TBC1D19: variants seen among roughly 807,000 people sequenced by gnomAD.
TBC1D19 encodes TBC1 domain family member 19.
TBC1D19 carries 60 observed loss-of-function variants against 89.0 expected under a neutral mutation model. The observed-to-expected ratio is 0.67, with a 90% CI of 0.55 to 0.84. The LOEUF is 0.84. Among genes scored for constraint, TBC1D19 ranks in the 40% least tolerant of loss-of-function variants. The pLI, the probability that TBC1D19 is intolerant of heterozygous loss-of-function variation, is 0.00. For synonymous variants in TBC1D19, 189 were observed against 199.7 expected (o/e 0.95, Z 0.45); for missense variants, 500 against 610.8 (o/e 0.82, Z 1.91).
chr4:26,777,520 C>A, the TBC1D19 span, among the ~76,000 whole-genome samples: 1 of 152,190 alleles, frequency 6.6e-6, no homozygotes, highest in East Asian at 1.9e-4. Context: ...CTCACTGTAA[C>A]CTCCGCCTCC....
intron 19 of TBC1D19, among the ~76,000 whole-genome samples, chr4:26,749,206 T>C (rs1041897053): frequency 2.6e-5 from 4 of 152,182 alleles, no homozygotes. Context: ...TTAATTATAT[T>C]ATTTTGCTTC....
chr4:26,802,207 C>T, the TBC1D19 span, among the ~76,000 whole-genome samples: 2 of 152,062 alleles, frequency 1.3e-5, no homozygotes, highest in African/African-American at 2.4e-5. Context: ...AAGTGAGTAT[C>T]ATCTACATGG....
At position 26,673,857 on chromosome 4, in the gene TBC1D19, C is replaced by T. The variant is rs971107389; in HGVS notation, c.785C>T (p.Ala262Val). The change falls in exon 11 of 21, where the codon GCT (alanine) becomes GTT (valine). Residue 262 changes from alanine (A) to valine (V), a missense_variant. This residue lies in a region of TBC1D19 where 220 missense variants were observed against 319.1 expected (regional missense o/e 0.69). Transcript: ENST00000264866. ...ACGGCACTGAGAGCTGAATTGTGGG[C>T]TCTCATTTTGAATATTTCCAGCCAA... ...SPTALRAELW[A>V]LILNISSQPE... The T allele has an allele frequency of 1.2e-6, 2 of 1,604,630 alleles. No individual in the cohort carries two copies. The highest frequency in any genetic ancestry group is 2.7e-5 in the African/African-American group (2 of 74,424).
chr4:26,849,979 G>C, the TBC1D19 span, among the ~76,000 whole-genome samples: 3 of 152,066 alleles, frequency 2.0e-5, no homozygotes, highest in Non-Finnish European at 2.9e-5. Flanking sequence ...TCTACCATTT[G>C]ATTGGCTGCT....
intron 11 of TBC1D19, among the ~76,000 whole-genome samples, chr4:26,680,965 T>C (rs1396241390): frequency 6.6e-6 from 1 of 152,190 alleles, no homozygotes; most frequent in Non-Finnish European, 1.5e-5. Flanking sequence ...TCAACTCTGT[T>C]TTCAATCCAA....
At chr4:26,736,706 A>G (rs1448060111) in intron 16 of TBC1D19, among the ~76,000 whole-genome samples, 1 of 152,188 alleles carries the variant, frequency 6.6e-6, no homozygotes, top group Non-Finnish European at 1.5e-5. Context: ...ATAATAGGTC[A>G]GAAAGAATGC....
intron 3 of TBC1D19, among the ~76,000 whole-genome samples, chr4:26,619,780 AATGTTTCT>A (rs1741922402): frequency 6.6e-6 from 1 of 152,182 alleles, no homozygotes; most frequent in South Asian, 2.1e-4. Flanking sequence ...CTATTCCAGC[AATGTTTCT>A]ATGGACAGTT....
At chr4:26,793,717 C>T in the TBC1D19 span, among the ~76,000 whole-genome samples, 1 of 117,624 alleles carries the variant, frequency 8.5e-6, no homozygotes, top group East Asian at 2.3e-4. Flanking sequence ...AGTGGGACTT[C>T]GTCTCAAAAA....
the TBC1D19 span, among the ~76,000 whole-genome samples, chr4:26,840,423 T>C: frequency 2.0e-5 from 3 of 152,140 alleles, no homozygotes; most frequent in Non-Finnish European, 4.4e-5. Flanking sequence ...TTAATGCTTG[T>C]AGGGAAAGTA....
intron 8 of TBC1D19, among the ~76,000 whole-genome samples, chr4:26,664,841 C>G (rs959231222): frequency 6.6e-6 from 1 of 152,054 alleles, no homozygotes; most frequent in East Asian, 1.9e-4. Flanking sequence ...TTAGTGAGCC[C>G]TCTTTACTAC....
At chr4:26,733,784 T>C (rs1560503056) in intron 15 of TBC1D19, among the ~76,000 whole-genome samples, 1 of 152,296 alleles carries the variant, frequency 6.6e-6, no homozygotes, top group East Asian at 1.9e-4. Context: ...AGAAATGTAA[T>C]AGGGATAAAA....
chr4:26,694,631 G>A (rs1714602636), intron 13 of TBC1D19, among the ~76,000 whole-genome samples: 1 of 152,176 alleles, frequency 6.6e-6, no homozygotes, highest in African/African-American at 2.4e-5. Context: ...AGCCTAACTG[G>A]GAGTCATCCC....
intron 8 of TBC1D19, chr4:26,662,832 T>A (rs575880503): frequency 1.3e-5 from 2 of 152,160 alleles, no homozygotes; most frequent in Admixed American, 6.5e-5. Context: ...CATTTTCTGA[T>A]GTACTGATCT....
At position 26,649,690 on chromosome 4, in the gene TBC1D19, CATAAT is replaced by C. The variant is rs1211608680; in HGVS notation, c.480+9506_480+9510del. On this transcript the variant is annotated intron_variant, in intron 7 of 20. Transcript: ENST00000264866. ...TTTTCAAGTTTCATCCATGTTGTGG[CATAAT>C]ATCTCAACGTTCTAACTTTTTTTTT... is the stretch of plus-strand genomic sequence containing the variant. Among the ~76,000 whole-genome samples the C allele has an allele frequency of 5.9e-5, 9 of 151,976 alleles. No homozygotes were observed. In the South Asian group the frequency reaches 1.7e-3, roughly 28 times the overall value.
Position 26,707,491 on chromosome 4 carries a change from C to T in TBC1D19, c.955-10442C>T, listed in dbSNP as rs79079758. The stretch of plus-strand genomic sequence containing the variant: ...GTCTTTTTAAATTTATTCTGCCAAC[C>T]TGTCTTTTGATTGGAGAGTTGAATG... On this transcript the variant is annotated intron_variant, in intron 13 of 20. Transcript: ENST00000264866. Among the ~76,000 whole-genome samples the T allele has an allele frequency of 3.8e-3, 571 of 152,004 alleles. 2 individuals carry two copies. Among genetic ancestry groups the T allele is most frequent in the African/African-American group, 0.013 (547 of 41,520 alleles).
intron 11 of TBC1D19, among the ~76,000 whole-genome samples, chr4:26,679,384 A>G (rs1713131129): frequency 6.6e-6 from 1 of 152,166 alleles, no homozygotes; most frequent in Non-Finnish European, 1.5e-5. Flanking sequence ...GGCAGCTTCC[A>G]TGTGGTGGTG....
chr4:26,688,208 A>G (rs1713984464), intron 12 of TBC1D19, 137 bp from the exon 13 acceptor site: 4 of 1,255,986 alleles, frequency 3.2e-6, no homozygotes, highest in Admixed American at 8.5e-5. Context: ...CATAGCAATG[A>G]TAAAATTTAA....
intron 1 of TBC1D19, among the ~76,000 whole-genome samples, chr4:26,578,160 C>T (rs1457468220): frequency 6.6e-6 from 1 of 152,182 alleles, no homozygotes; most frequent in Non-Finnish European, 1.5e-5. Context: ...CTGCCCTAGT[C>T]CCCTTTCTTG....
At chr4:26,665,405 TA>T (rs1475608312) in intron 8 of TBC1D19, among the ~76,000 whole-genome samples, 7 of 152,164 alleles carry the variant, frequency 4.6e-5, no homozygotes, top group Admixed American at 1.3e-4. Context: ...TTAGAATAGT[TA>T]ACAAAATGCT....
Sources: gnomAD v4.1 joint callset for allele counts (sites outside exome capture counted in the v4.1 genomes callset) on GRCh38, gnomAD v4.1.1 for gene constraint, gnomAD v4.1.1 regional missense constraint, MANE v1.5 for transcripts, NCBI Gene and HGNC (gene_info 2026-07-23, HGNC 2026-07-21) for gene names.